Variants in HAGH observed in about 807,000 individuals in gnomAD.
HAGH encodes hydroxyacylglutathione hydrolase, also known as hydroxyacylglutathione hydrolase, mitochondrial.
A neutral mutation model predicts 35.1 loss-of-function variants in HAGH; 29 were observed. The observed-to-expected ratio is 0.83, with a 90% CI of 0.62 to 1.13. HAGH has a LOEUF of 1.13. Among genes scored for constraint, HAGH ranks in the 50% most tolerant of loss-of-function variants. The pLI is 0.00. For missense variants in HAGH, 478 were observed against 419.6 expected (o/e 1.14, Z -1.22); for synonymous variants, 225 against 176.1 (o/e 1.28, Z -2.20).
intron 7 of HAGH, among the ~76,000 whole-genome samples, chr16:1,811,286 T>C (rs2300642): frequency 0.76 from 115,116 of 151,888 alleles, 43,691 homozygotes; most frequent in Middle Eastern, 0.83. Context: ...TGGTGGCGGG[T>C]GCCTGTAATC....
rs146196725 is a variant in HAGH, at chr16:1,819,565, T to G, written c.432+332A>C. Among the ~76,000 whole-genome samples the G allele has an allele frequency of 1.2e-4, 19 of 152,242 alleles. No individual in the cohort carries two copies. In the East Asian group the frequency reaches 3.5e-3, roughly 28 times the overall value. Reference sequence around the variant, plus strand: ...TCCTGTCCCCATCTGCCCCAATTCTTTACTTCAAAAATGTTCACACCCTCA... The same window carrying G: ...TCCTGTCCCCATCTGCCCCAATTCTGTACTTCAAAAATGTTCACACCCTCA... On this transcript the variant is annotated intron_variant, in intron 4 of 8. Coordinates refer to ENST00000397356, the MANE Select transcript of HAGH (RefSeq NM_005326.6).
At chr16:1,816,394 G>A (rs909623350) in intron 7 of HAGH, among the ~76,000 whole-genome samples, 1 of 152,142 alleles carries the variant, frequency 6.6e-6, no homozygotes, top group Non-Finnish European at 1.5e-5. Context: ...CCACTCAGCA[G>A]AGGGAGCCCA....
intron 1 of HAGH, among the ~76,000 whole-genome samples, chr16:1,826,114 G>C (rs970044634): frequency 6.6e-6 from 1 of 152,196 alleles, no homozygotes; most frequent in Middle Eastern, 3.2e-3. Context: ...GACAGCTTTC[G>C]GCGAGATCTG....
At chr16:1,810,133 G>T in intron 7 of HAGH, 1 of 348,386 alleles carries the variant, frequency 2.9e-6, no homozygotes, top group Middle Eastern at 8.6e-4. Flanking sequence ...CTGCCCTCCA[G>T]CCTGGGTGAC....
At chr16:1,813,633 A>G (rs1450130284) in intron 7 of HAGH, among the ~76,000 whole-genome samples, 3 of 152,258 alleles carry the variant, frequency 2.0e-5, no homozygotes, top group Non-Finnish European at 4.4e-5. Flanking sequence ...TTAAGATCGC[A>G]ATTCTCGCCA....
At chr16:1,809,485 C>A in intron 8 of HAGH, 103 bp from the exon 9 acceptor site, 1 of 917,932 alleles carries the variant, frequency 1.1e-6, no homozygotes, top group Non-Finnish European at 1.7e-6. Context: ...GAGCCCAGCC[C>A]TCAGAGGACA....
chr16:1,814,175 T>G (rs968120027), intron 7 of HAGH, among the ~76,000 whole-genome samples: 1 of 151,988 alleles, frequency 6.6e-6, no homozygotes, highest in Admixed American at 6.6e-5. Flanking sequence ...ACAAGAAACA[T>G]AAAAGAAAAA....
At position 1,822,376 on chromosome 16, in the gene HAGH, C is replaced by T; in HGVS notation, c.250-12G>A. The T allele has an allele frequency of 6.2e-7, 1 of 1,603,180 alleles. No individual in the cohort carries two copies. On this transcript the variant is annotated splice_polypyrimidine_tract_variant and intron_variant, in intron 2 of 8. Coordinates refer to ENST00000397356, the MANE Select transcript of HAGH (RefSeq NM_005326.6). ...GCCGCGTCCACGACCTGCAGTGGCC[C>T]CGGGGAAGGACAAAGGCCTGTCACA...
chr16:1,809,802 G>A lies in HAGH; in HGVS notation c.779C>T (p.Pro260Leu). The change falls in exon 8 of 9, where the codon CCA (proline) becomes CTA (leucine). Residue 260 changes from proline (P) to leucine (L), a missense_variant. Physicochemically the swap from Pro to Leu is moderately conservative, Grantham distance 98. Transcript: ENST00000397356. ...EKYSIGEPTV[P>L]STLAEEFTYN... ...GGTAAACTCCTCTGCCAGGGTGGAT[G>A]GCACTGTGGGCTCCCCGATGCTGTA... 2 of 1,613,812 alleles carry A rather than the reference G, an allele frequency of 1.2e-6. No individual in the cohort carries two copies. The highest frequency in any genetic ancestry group is 8.5e-7 in the Non-Finnish European group (1 of 1,179,668).
At position 1,809,169 on chromosome 16, in the gene HAGH, C is replaced by T; in HGVS notation, c.*114G>A. Reference sequence around the variant, plus strand: ...CATTAGAATGTCCGATAACACAAGCCAAGGGCTGTAAAATTAAGGTTAAAT... The same window carrying T: ...CATTAGAATGTCCGATAACACAAGCTAAGGGCTGTAAAATTAAGGTTAAAT... On this transcript the variant is annotated 3_prime_UTR_variant, in exon 9 of 9. Transcript: ENST00000397356. 1.4e-6 allele frequency: 1 copy of T among 711,692 alleles called. No homozygotes were observed. Among genetic ancestry groups the T allele is most frequent in the Non-Finnish European group, 2.5e-6 (1 of 404,082 alleles). 44.1% of individuals were successfully genotyped at this position (711,692 alleles called of 1,614,324 possible).
At chr16:1,827,143 G>A, upstream of HAGH, 1 of 1,493,530 alleles carries the variant, frequency 6.7e-7, no homozygotes, top group South Asian at 1.3e-5. Context: ...TCGCTGCGGG[G>A]GACAGCGTTC....
rs993536545 is a variant in HAGH, at chr16:1,809,043, G to A, written c.*240C>T. ...CTGCAGTGGCTCACGGAGGAGGAAGGAGGCCCGAGGGGACAAGCAGAGGCC... is the reference window on the plus strand; with the variant it reads ...CTGCAGTGGCTCACGGAGGAGGAAGAAGGCCCGAGGGGACAAGCAGAGGCC... On this transcript the variant is annotated 3_prime_UTR_variant, in exon 9 of 9. Transcript: ENST00000397356. 1.7e-5 allele frequency: 8 copies of A among 476,986 alleles called. No homozygotes were observed. The highest frequency in any genetic ancestry group is 1.6e-4 in the African/African-American group (8 of 51,170). 29.5% of individuals were successfully genotyped at this position (476,986 alleles called of 1,614,324 possible).
rs143119400 is a variant in HAGH, at chr16:1,819,918, G to A, written c.411C>T (p.Ile137=). 116 of 1,609,520 alleles carry A rather than the reference G, an allele frequency of 7.2e-5. No homozygotes were observed. The African/African-American group carries it at 1.4e-3, about 20-fold the overall frequency. The change falls in exon 4 of 9, where the codon ATC becomes ATT. Residue 137 remains isoleucine (I), a synonymous_variant. Transcript: ENST00000397356. ...DDRIGALTHK[I]THLSTLQVGS... ...TTACCTGCAGTGTGGACAGGTGAGT[G>A]ATCTTGTGAGTCAGGGCCCCGATAC... is the stretch of plus-strand genomic sequence containing the variant.
Position 1,822,862 on chromosome 16 carries a change from C to T in HAGH, c.249+3G>A, listed in dbSNP as rs1898215320. ...AGGGAGAGCCAGGCACAGCCATGCGCACCTTCTGGGGCTGCACCGGATCCA... is the reference window on the plus strand; with the variant it reads ...AGGGAGAGCCAGGCACAGCCATGCGTACCTTCTGGGGCTGCACCGGATCCA... On this transcript the variant is annotated splice_donor_region_variant and intron_variant, in intron 2 of 8. Transcript: ENST00000397356. 1.2e-6 allele frequency: 2 copies of T among 1,612,628 alleles called. No homozygotes were observed. Among genetic ancestry groups the T allele is most frequent in the African/African-American group, 1.3e-5 (1 of 75,030 alleles).
chr16:1,826,977 G>T, upstream of HAGH: 1 of 613,512 alleles, frequency 1.6e-6, no homozygotes, highest in African/African-American at 1.9e-5. Context: ...CACGGGCCGG[G>T]AGACGGGCCT....
At chr16:1,811,340 G>A (rs954048344) in intron 7 of HAGH, among the ~76,000 whole-genome samples, 1 of 152,210 alleles carries the variant, frequency 6.6e-6, no homozygotes, top group East Asian at 1.9e-4. Context: ...CTTGAACCCA[G>A]GAGGTGGAGG....
chr16:1,817,518 A>G (rs920951047), intron 5 of HAGH, among the ~76,000 whole-genome samples: 1 of 150,290 alleles, frequency 6.7e-6, no homozygotes, highest in South Asian at 2.1e-4. Context: ...CTCCTCCCTC[A>G]CTGCCCCCAA....
In HAGH at chr16:1,809,084, A is replaced by G; in HGVS notation, c.*199T>C. ...AGCAGAGGCCTAAAGGCCAGAAGAA[A>G]ACAGTCTGCAAGGGGAAGTTATGGG... On this transcript the variant is annotated 3_prime_UTR_variant, in exon 9 of 9. Coordinates refer to ENST00000397356, the MANE Select transcript of HAGH (RefSeq NM_005326.6). 1 of 543,260 alleles carries G rather than the reference A, an allele frequency of 1.8e-6. No homozygotes were observed. Among genetic ancestry groups the G allele is most frequent in the East Asian group, 3.0e-5 (1 of 33,794 alleles). 33.7% of individuals were successfully genotyped at this position (543,260 alleles called of 1,614,324 possible).
intron 8 of HAGH, 137 bp from the exon 9 acceptor site, chr16:1,809,519 A>C (rs946827656): frequency 2.8e-6 from 2 of 716,872 alleles, no homozygotes; most frequent in Non-Finnish European, 2.4e-6. Context: ...GGCGGCAGCC[A>C]CTCCCCTTCT....
Sources: allele counts gnomAD v4.1 joint callset (sites outside exome capture counted in the v4.1 genomes callset), GRCh38; gene constraint gnomAD v4.1.1; transcripts MANE v1.5; gene names NCBI Gene and HGNC (gene_info 2026-07-23, HGNC 2026-07-21).